Variants in NAV3 observed in about 807,000 individuals in gnomAD.
The protein encoded by NAV3 is neuron navigator 3.
NAV3 carries 87 observed loss-of-function variants against 244.7 expected under a neutral mutation model. The ratio of observed to expected loss-of-function variants is 0.36; its 90% CI spans 0.30 to 0.42. The LOEUF (loss-of-function observed/expected upper bound fraction) is 0.42. Among genes scored for constraint, NAV3 ranks in the 20% least tolerant of loss-of-function variants. The pLI is 1.00. For synonymous variants in NAV3, 1,126 were observed against 1,042.2 expected (o/e 1.08, Z -1.55); for missense variants, 2,663 against 2,893.3 (o/e 0.92, Z 1.83).
intron 2 of NAV3, among the ~76,000 whole-genome samples, chr12:77,781,740 A>G (rs1381121483): frequency 6.6e-6 from 1 of 152,192 alleles, no homozygotes; most frequent in African/African-American, 2.4e-5. Flanking sequence ...TTGGTTTACA[A>G]TCTGGAAGTT....
rs1888619794 is a variant in NAV3, at chr12:77,929,926, G to A, written c.244-10393G>A. On this transcript the variant is annotated intron_variant, in intron 1 of 39. Transcript: ENST00000397909. ...GGCCTCCCAAAGTGCTGGGATTACAGGCATGAGCCACCATGCCTGGTCTAT... is the reference window on the plus strand; with the variant it reads ...GGCCTCCCAAAGTGCTGGGATTACAAGCATGAGCCACCATGCCTGGTCTAT... Among the ~76,000 whole-genome samples the A allele has an allele frequency of 2.0e-5, 3 of 150,808 alleles. No homozygotes were observed. The Admixed American group carries it at 2.0e-4, about 10-fold the overall frequency.
At chr12:77,668,291 A>G (rs1565762747) in intron 2 of NAV3, among the ~76,000 whole-genome samples, 1 of 152,234 alleles carries the variant, frequency 6.6e-6, no homozygotes, top group Non-Finnish European at 1.5e-5. Context: ...GAAATCTCTG[A>G]ATTGCCAGAA....
chr12:78,000,648 C>A (rs1182466714), intron 7 of NAV3, among the ~76,000 whole-genome samples: 3 of 138,434 alleles, frequency 2.2e-5, no homozygotes, highest in East Asian at 2.2e-4. Flanking sequence ...GGACTACAGG[C>A]GCCCGCCACC....
chr12:78,064,779 C>A (rs373184611), intron 12 of NAV3, among the ~76,000 whole-genome samples: 1 of 151,614 alleles, frequency 6.6e-6, no homozygotes, highest in South Asian at 2.1e-4. Context: ...ATCATATATA[C>A]GAGTGTATAC....
chr12:77,629,127 A>G (rs747068416), intron 2 of NAV3, among the ~76,000 whole-genome samples: 2 of 152,158 alleles, frequency 1.3e-5, no homozygotes, highest in Non-Finnish European at 2.9e-5. Context: ...CTTCATAACA[A>G]TTTATCCTGG....
rs756805711 is a variant in NAV3 at position 77,645,536 on chromosome 12, T to TAAAAAAAAAAA, written c.72+73284_72+73294dup. 6.8e-4 allele frequency among the ~76,000 whole-genome samples: 43 copies of TAAAAAAAAAAA among 63,002 alleles called. 2 individuals carry two copies. The highest frequency in any genetic ancestry group is 0.01 in the Middle Eastern group (1 of 96). The allele number at this position is 63,002 out of a possible 152,430, so 41.3% of individuals were successfully genotyped here. A position where few individuals can be genotyped will look rare whatever the true frequency, so the allele number is the denominator to read the frequency against. ...GAATTCATGGAGAGCTCTCTCTCTCTAAAAAAAAAAAAAAAAAAAAAAAAC... is the reference window on the plus strand; with the variant it reads ...GAATTCATGGAGAGCTCTCTCTCTCTAAAAAAAAAAAAAAAAAAAAAAAAAAAAAAAAAAAC... On this transcript the variant is annotated intron_variant, in intron 2 of 8. Coordinates refer to the NAV3 transcript ENST00000550042.
chr12:77,981,218 T>A (rs1246471166), intron 5 of NAV3, among the ~76,000 whole-genome samples: 1 of 152,174 alleles, frequency 6.6e-6, no homozygotes, highest in Non-Finnish European at 1.5e-5. Context: ...GTGAGGACAC[T>A]TTTTGCAAAA....
intron 22 of NAV3, 126 bp from the exon 23 acceptor site, chr12:78,159,077 C>T: frequency 1.6e-6 from 1 of 624,938 alleles, no homozygotes; most frequent in Non-Finnish European, 2.7e-6. Context: ...TCAGAGCTAA[C>T]TATGATAGTC....
chr12:78,008,500 C>T (rs535878970), intron 8 of NAV3, among the ~76,000 whole-genome samples: 42 of 151,986 alleles, frequency 2.8e-4, no homozygotes, highest in African/African-American at 8.9e-4. Context: ...GTCCCTCTTT[C>T]GGGCAGGTTG....
At chr12:77,999,466 A>G (rs1433130062) in intron 7 of NAV3, among the ~76,000 whole-genome samples, 1 of 152,226 alleles carries the variant, frequency 6.6e-6, no homozygotes, top group Non-Finnish European at 1.5e-5. Flanking sequence ...TGTTTCATAT[A>G]GGCAAATGAT....
chr12:77,961,350 A>T (rs1891953231), intron 3 of NAV3, among the ~76,000 whole-genome samples: 1 of 142,548 alleles, frequency 7.0e-6, no homozygotes, highest in Non-Finnish European at 1.5e-5. Context: ...TATTACACAT[A>T]TACATATATG....
At chr12:77,904,026 A>T (rs1482161465) in intron 1 of NAV3, among the ~76,000 whole-genome samples, 3 of 152,140 alleles carry the variant, frequency 2.0e-5, no homozygotes, top group Admixed American at 6.5e-5. Context: ...GAGAAATAGG[A>T]ACACTTTTAC....
chr12:78,145,320 A>T (rs1050671795), intron 20 of NAV3, among the ~76,000 whole-genome samples: 1 of 152,232 alleles, frequency 6.6e-6, no homozygotes, highest in African/African-American at 2.4e-5. Flanking sequence ...AGCTCAGGTT[A>T]AAAGAGTTTC....
intron 1 of NAV3, among the ~76,000 whole-genome samples, chr12:77,896,534 C>G (rs1233142423): frequency 6.6e-6 from 1 of 152,108 alleles, no homozygotes; most frequent in Non-Finnish European, 1.5e-5. Context: ...TATGATCCAA[C>G]TTGGTCTATA....
intron 12 of NAV3, among the ~76,000 whole-genome samples, chr12:78,114,144 G>A (rs903889234): frequency 2.0e-5 from 3 of 152,166 alleles, no homozygotes; most frequent in Non-Finnish European, 4.4e-5. Context: ...GACCACCTTA[G>A]CCTGGATTTC....
At chr12:77,760,749 A>T (rs954941850) in intron 2 of NAV3, among the ~76,000 whole-genome samples, 3 of 152,054 alleles carry the variant, frequency 2.0e-5, no homozygotes, top group African/African-American at 4.8e-5. Flanking sequence ...AAAGAGGGGG[A>T]AGAAGGTAGA....
At chr12:77,871,589 T>C (rs1880969033) in intron 1 of NAV3, among the ~76,000 whole-genome samples, 1 of 152,200 alleles carries the variant, frequency 6.6e-6, no homozygotes, top group South Asian at 2.1e-4. Context: ...TTTCTAGCTT[T>C]ATCTATGTCC....
intron 2 of NAV3, among the ~76,000 whole-genome samples, chr12:77,655,643 A>G (rs1873062122): frequency 6.6e-6 from 1 of 152,112 alleles, no homozygotes; most frequent in African/African-American, 2.4e-5. Flanking sequence ...CAACTCCAAG[A>G]CACATAATTG....
intron 34 of NAV3, among the ~76,000 whole-genome samples, chr12:78,196,609 G>A (rs1959178555): frequency 6.6e-6 from 1 of 151,886 alleles, no homozygotes; most frequent in Admixed American, 6.6e-5. Flanking sequence ...TATTAGACAG[G>A]AATAATACCT....
Sources: gnomAD v4.1 joint callset for allele counts (sites outside exome capture counted in the v4.1 genomes callset) on GRCh38, gnomAD v4.1.1 for gene constraint, MANE v1.5 for transcripts, NCBI Gene and HGNC (gene_info 2026-07-23, HGNC 2026-07-21) for gene names.